The following TUFT1 variants were observed in gnomAD, a reference collection of about 807,000 sequenced individuals.
TUFT1 encodes the protein tuftelin.
In TUFT1, 43 loss-of-function variants were observed where a neutral mutation model predicts 57.8. The observed-to-expected ratio is 0.74, with a 90% confidence interval of 0.58 to 0.96. The LOEUF is 0.96. Ranked by LOEUF, TUFT1 falls within the 40% of genes least tolerant of loss-of-function variation. The probability of loss-of-function intolerance (pLI) is 0.00; values close to 1 mark genes in which losing one functional copy is unlikely to be tolerated. For missense variants in TUFT1, 459 were observed against 489.0 expected (o/e 0.94, Z 0.58); for synonymous variants, 166 against 176.7 (o/e 0.94, Z 0.48).
intron 7 of TUFT1, among the ~76,000 whole-genome samples, chr1:151,571,372 G>A (rs1666246783): frequency 1.0e-5 from 1 of 100,292 alleles, no homozygotes; most frequent in Non-Finnish European, 2.2e-5. Flanking sequence ...TAGATCGAGT[G>A]AGGTAATATA....
rs769979979 is a variant in TUFT1, at chr1:151,562,634, C to T, written c.185C>T (p.Ser62Phe). 4 of 1,613,192 alleles carry T rather than the reference C, an allele frequency of 2.5e-6. No individual in the cohort carries two copies. Among genetic ancestry groups the T allele is most frequent in the Middle Eastern group, 1.9e-4 (1 of 5,314 alleles). Reference sequence around the variant, plus strand: ...GTGTCCAGCCACTCAGCTGGTCATTCTCTGGCTTCAGAACTGGTGGAGTCC... The same window carrying T: ...GTGTCCAGCCACTCAGCTGGTCATTTTCTGGCTTCAGAACTGGTGGAGTCC... ...AMVSSHSAGH[S>F]LASELVESHD... Residue 62 changes from serine (S) to phenylalanine (F), a missense_variant, in exon 3 of 13, where the codon TCT becomes TTT. Ser to Phe is a radical substitution (Grantham distance 155). Coordinates refer to ENST00000368849, the MANE Select transcript of TUFT1 (RefSeq NM_020127.3).
Position 151,582,269 on chromosome 1 carries a change from G to A in TUFT1, c.*562G>A. 2.2e-6 allele frequency: 1 copy of A among 453,910 alleles called. No individual in the cohort carries two copies. Among genetic ancestry groups the A allele is most frequent in the South Asian group, 1.6e-5 (1 of 64,380 alleles). The allele number at this position is 453,910 out of a possible 1,614,324, so 28.1% of individuals were successfully genotyped here. On this transcript the variant is annotated 3_prime_UTR_variant, in exon 13 of 13. Transcript: ENST00000368849. Reference sequence around the variant, plus strand: ...GGTTACCTGGCAAGGCCTGGTGAGAGCCAGTGAACCTAAGCTTTGACTGGG... The same window carrying A: ...GGTTACCTGGCAAGGCCTGGTGAGAACCAGTGAACCTAAGCTTTGACTGGG...
At position 151,579,717 on chromosome 1, in the gene TUFT1, C is replaced by T. The variant is rs773056626; in HGVS notation, c.993C>T (p.Ala331=). 8.1e-6 allele frequency: 13 copies of T among 1,613,724 alleles called. No homozygotes were observed. Among genetic ancestry groups the T allele is most frequent in the African/African-American group, 8.0e-5 (6 of 74,920 alleles). Residue 331 remains alanine (A), a synonymous_variant, in exon 11 of 13, where the codon GCC becomes GCT. Transcript: ENST00000368849. ...TCCAGGAGCTCAAGGAGAAAATCGC[C>T]TATCTGGAGGCAGAGGTGTGTGTGC... ...ATIQELKEKI[A]YLEAENLEMH...
rs373921611 is a variant in TUFT1, at chr1:151,546,083, G to A, written c.60+5657G>A. On this transcript the variant is annotated intron_variant, in intron 1 of 12. Transcript: ENST00000368849. ...ATTTTAAAATTTATCTACATTAATT[G>A]GGAACTATTTGCATTTTTTTCATCC... Among the ~76,000 whole-genome samples, 4 of 140,592 alleles carry A rather than the reference G, an allele frequency of 2.8e-5. No homozygotes were observed. The East Asian group carries it at 8.5e-4, about 30-fold the overall frequency. 92.2% of individuals were successfully genotyped at this position (140,592 alleles called of 152,430 possible).
chr1:151,555,328 C>CA (rs1159462100), intron 1 of TUFT1, among the ~76,000 whole-genome samples: 4,959 of 100,182 alleles, frequency 0.049, 259 homozygotes, highest in African/African-American at 0.15. Context: ...GACTCCCTCT[C>CA]AAAAAAAAAA....
intron 7 of TUFT1, among the ~76,000 whole-genome samples, chr1:151,570,239 G>A (rs1327350685): frequency 3.3e-5 from 5 of 152,186 alleles, no homozygotes; most frequent in Non-Finnish European, 4.4e-5. Context: ...TGTACCCATC[G>A]AGTTGGAGGA....
At chr1:151,543,022 T>C (rs1015083175) in intron 1 of TUFT1, among the ~76,000 whole-genome samples, 9 of 152,234 alleles carry the variant, frequency 5.9e-5, no homozygotes, top group Non-Finnish European at 7.3e-5. Flanking sequence ...TTAGAGATCC[T>C]ACTGGGAGTG....
At chr1:151,566,975 C>T (rs564618746) in intron 6 of TUFT1, among the ~76,000 whole-genome samples, 1 of 152,238 alleles carries the variant, frequency 6.6e-6, no homozygotes, top group Admixed American at 6.5e-5. Flanking sequence ...GGCTGGAGTG[C>T]AGTGGCAATC....
intron 1 of TUFT1, among the ~76,000 whole-genome samples, chr1:151,543,459 T>A (rs767106816): frequency 4.9e-4 from 74 of 151,858 alleles, no homozygotes; most frequent in Non-Finnish European, 1.0e-3. Flanking sequence ...TATTGGCAAA[T>A]AAAAGAACAA....
intron 1 of TUFT1, among the ~76,000 whole-genome samples, chr1:151,560,483 A>G (rs183098197): frequency 3.3e-5 from 5 of 152,298 alleles, no homozygotes; most frequent in Admixed American, 3.3e-4. Flanking sequence ...ATCAAGAGTT[A>G]AGTATCTCAC....
At chr1:151,557,384 T>G in intron 1 of TUFT1, 1 of 710,094 alleles carries the variant, frequency 1.4e-6, no homozygotes, top group Non-Finnish European at 2.4e-6. Flanking sequence ...AATCATCAAA[T>G]GTAACTTAGA....
chr1:151,558,801 T>C (rs1438983928), intron 1 of TUFT1, among the ~76,000 whole-genome samples: 1 of 151,942 alleles, frequency 6.6e-6, no homozygotes, highest in Non-Finnish European at 1.5e-5. Flanking sequence ...TTTTTTCTTT[T>C]TGAGACGGAG....
At chr1:151,564,746 C>T in intron 5 of TUFT1, 132 bp downstream of exon 5, 1 of 727,004 alleles carries the variant, frequency 1.4e-6, no homozygotes, top group South Asian at 1.7e-5. Context: ...AGAGGTGATG[C>T]TGGCTTCTCT....
chr1:151,574,150 A>T (rs1027486251), intron 7 of TUFT1, 120 bp from the exon 8 acceptor site: 19 of 1,279,202 alleles, frequency 1.5e-5, no homozygotes, highest in Non-Finnish European at 1.8e-5. Flanking sequence ...CATCAGTGTC[A>T]CCACCTTTCT....
chr1:151,544,267 C>T (rs761619286), intron 1 of TUFT1, among the ~76,000 whole-genome samples: 4 of 152,046 alleles, frequency 2.6e-5, no homozygotes, highest in Admixed American at 2.6e-4. Context: ...AGGTGTGCAC[C>T]ACTGCACCTG....
chr1:151,557,657 C>G (rs1236218701), intron 1 of TUFT1: 4 of 963,296 alleles, frequency 4.2e-6, no homozygotes, highest in Non-Finnish European at 6.8e-6. Flanking sequence ...TGGTACGTTA[C>G]CAATGAGGGC....
chr1:151,572,081 G>T (rs1294110781), intron 7 of TUFT1, among the ~76,000 whole-genome samples: 2 of 152,114 alleles, frequency 1.3e-5, no homozygotes, highest in Admixed American at 6.6e-5. Context: ...CATGCCTGTG[G>T]TTCCAGCTAC....
At chr1:151,572,239 A>T (rs74228547) in intron 7 of TUFT1, among the ~76,000 whole-genome samples, 1,659 of 121,048 alleles carry the variant, frequency 0.014, 26 homozygotes, top group African/African-American at 0.043. Flanking sequence ...TTTTTTTTTT[A>T]AAAAAGGAGG....
intron 12 of TUFT1, 70 bp downstream of exon 12, chr1:151,581,112 C>G: frequency 1.4e-6 from 2 of 1,399,522 alleles, no homozygotes; most frequent in Non-Finnish European, 2.0e-6. Context: ...CTCTGTAGAA[C>G]CTTTAGTGCT....
Sources: allele counts gnomAD v4.1 joint callset (sites outside exome capture counted in the v4.1 genomes callset), GRCh38; gene constraint gnomAD v4.1.1; transcripts MANE v1.5; gene names NCBI Gene and HGNC (gene_info 2026-07-23, HGNC 2026-07-21).